MAN2B2: variants seen among roughly 807,000 people sequenced by gnomAD.
The protein encoded by MAN2B2 is mannosidase alpha class 2B member 2, also known as epididymis-specific alpha-mannosidase.
In MAN2B2, 106 loss-of-function variants were observed where a neutral mutation model predicts 117.1. The observed-to-expected ratio is 0.90, with a 90% confidence interval of 0.77 to 1.06. The LOEUF (loss-of-function observed/expected upper bound fraction) is 1.06, where lower values mean the gene tolerates loss of function less well. MAN2B2 is among the 50% of genes least tolerant of loss of function. MAN2B2 has a pLI of 0.00. For synonymous variants in MAN2B2, 544 were observed against 595.1 expected, an observed-to-expected ratio of 0.91 and a Z score of 1.25; for missense variants, 1,326 against 1,381.4, an observed-to-expected ratio of 0.96 and a Z score of 0.64.
chr4:6,605,086 A>G lies in MAN2B2; in HGVS notation c.1571A>G (p.Tyr524Cys), dbSNP rs1727482622. 6.8e-6 allele frequency: 11 copies of G among 1,614,100 alleles called. No individual in the cohort carries two copies. The highest frequency in any genetic ancestry group is 1.3e-5 in the African/African-American group (1 of 75,026). Residue 524 changes from tyrosine to cysteine, a missense_variant, in exon 11 of 19, where the codon TAT becomes TGT. Transcript: ENST00000285599. ...IQNSTETPSA[Y>C]DLLILTTIPG... is the part of the protein sequence containing the mutation. ...AACTCAACAGAGACCCCATCTGCGT[A>G]TGACCTGCTTATTCTGACCACAATC...
rs749006019 is a variant in MAN2B2 at position 6,597,172 on chromosome 4, C to T, written c.1117C>T (p.Arg373Trp). The T allele has an allele frequency of 9.3e-6, 15 of 1,612,830 alleles. No individual in the cohort carries two copies. The highest frequency in any genetic ancestry group is 3.3e-5 in the South Asian group (3 of 91,036). The stretch of plus-strand genomic sequence containing the variant: ...CCGCAGCTCACTGAAGGGGCTGGCC[C>T]GGCGAGCCAGCGCCTTGTTGTATGC... ...TSRSSLKGLA[R>W]RASALLYAGE... Residue 373 changes from arginine to tryptophan, a missense_variant, in exon 8 of 19, where the codon CGG (arginine) becomes TGG (tryptophan). Transcript: ENST00000285599.
chr4:6,614,188 C>T (rs1255129215), intron 15 of MAN2B2, 30 bp from the exon 16 acceptor site: 1 of 1,608,322 alleles, frequency 6.2e-7, no homozygotes, highest in East Asian at 2.2e-5. Flanking sequence ...GCCCCAAACC[C>T]TCTCCTCACT....
At chr4:6,593,853 G>T (rs970252439) in intron 6 of MAN2B2, among the ~76,000 whole-genome samples, 5 of 152,190 alleles carry the variant, frequency 3.3e-5, no homozygotes, top group Admixed American at 1.3e-4. Context: ...GGCCTAGGAA[G>T]CAGGCTGGTA....
At chr4:6,599,714 C>A (rs1403732951) in intron 9 of MAN2B2, among the ~76,000 whole-genome samples, 2 of 151,982 alleles carry the variant, frequency 1.3e-5, no homozygotes, top group East Asian at 3.9e-4. Flanking sequence ...AGCCACCATG[C>A]CTGGCTGCCT....
intron 15 of MAN2B2, among the ~76,000 whole-genome samples, chr4:6,613,919 A>T (rs1221038086): frequency 6.6e-6 from 1 of 152,174 alleles, no homozygotes; most frequent in Admixed American, 6.5e-5. Flanking sequence ...TTGCCTTGTT[A>T]TCTTGAATAA....
chr4:6,592,924 C>T (rs780934008), intron 5 of MAN2B2, among the ~76,000 whole-genome samples: 2 of 152,232 alleles, frequency 1.3e-5, no homozygotes, highest in Admixed American at 6.5e-5. Flanking sequence ...AGGCCAGGGC[C>T]TCACTTGCCT....
Position 6,592,462 on chromosome 4 carries a change from T to C in MAN2B2, c.681-711T>C, listed in dbSNP as rs143183367. 3.1e-3 allele frequency among the ~76,000 whole-genome samples: 476 copies of C among 152,156 alleles called. 1 individual carries two copies. The highest frequency in any genetic ancestry group is 0.015 in the South Asian group (73 of 4,818). ...AGCAAGACCTCGTCTCTACATAAAA[T>C]TCAAAAACAAGTCGAGCATGGTGGT... On this transcript the variant is annotated intron_variant, in intron 5 of 18. Coordinates refer to ENST00000285599, the MANE Select transcript of MAN2B2 (RefSeq NM_015274.3).
At chr4:6,589,200 C>A in intron 5 of MAN2B2, 40 bp downstream of exon 5, 1 of 1,456,102 alleles carries the variant, frequency 6.9e-7, no homozygotes, top group Non-Finnish European at 9.7e-7. Flanking sequence ...TCTCAGACAG[C>A]AGGGTCTGCC....
Position 6,595,087 on chromosome 4 carries a change from C to T in MAN2B2, c.1057+355C>T, listed in dbSNP as rs116098072. ...CATAAACCTCTTCTACGAGCCCTTTCCTGATGCTGAGGCTGACTCGGGCTT... is the reference window on the plus strand; with the variant it reads ...CATAAACCTCTTCTACGAGCCCTTTTCTGATGCTGAGGCTGACTCGGGCTT... On this transcript the variant is annotated intron_variant, in intron 7 of 18. Coordinates refer to ENST00000285599, the MANE Select transcript of MAN2B2 (RefSeq NM_015274.3). Among the ~76,000 whole-genome samples, 1,185 of 152,320 alleles carry T rather than the reference C, an allele frequency of 7.8e-3. 11 individuals carry two copies. Among genetic ancestry groups the T allele is most frequent in the African/African-American group, 0.026 (1,079 of 41,558 alleles).
At position 6,609,805 on chromosome 4, in the gene MAN2B2, A is replaced by G. The variant is rs777918152; in HGVS notation, c.2014A>G (p.Thr672Ala). 2 of 1,613,404 alleles carry G rather than the reference A, an allele frequency of 1.2e-6. No homozygotes were observed. The highest frequency in any genetic ancestry group is 4.5e-5 in the East Asian group (2 of 44,856). ...TGCTCCCTTCTCCTCCAGGAACATG[A>G]CAGCACAGAATTACACGTATGCAAT... ...EIRQYFYRNMTAQNYTYAIRS... is the reference protein window; with the variant it reads ...EIRQYFYRNMAAQNYTYAIRS... Residue 672 changes from threonine to alanine, a missense_variant, in exon 13 of 19, where the codon ACA becomes GCA. Thr to Ala is a moderately conservative substitution (Grantham distance 58). Coordinates refer to ENST00000285599, the MANE Select transcript of MAN2B2 (RefSeq NM_015274.3).
intron 3 of MAN2B2, among the ~76,000 whole-genome samples, chr4:6,585,113 C>A (rs1726581957): frequency 6.6e-6 from 1 of 152,118 alleles, no homozygotes; most frequent in Admixed American, 6.6e-5. Context: ...CACCCACACT[C>A]CTAGTCCACG....
intron 10 of MAN2B2, among the ~76,000 whole-genome samples, chr4:6,603,002 C>T (rs1727389683): frequency 6.6e-6 from 1 of 152,186 alleles, no homozygotes; most frequent in Admixed American, 6.5e-5. Flanking sequence ...TGCTGGGCCC[C>T]CTTGTATGGG....
Position 6,576,730 on chromosome 4 carries a change from G to A in MAN2B2, c.285+6G>A. On this transcript the variant is annotated splice_donor_region_variant and intron_variant, in intron 2 of 18. Coordinates refer to ENST00000285599, the MANE Select transcript of MAN2B2 (RefSeq NM_015274.3). Reference sequence around the variant, plus strand: ...CGGACCAGCAGAAATACCAGGTAATGAGGTCACCAGGTGACACAGTTGGCC... The same window carrying A: ...CGGACCAGCAGAAATACCAGGTAATAAGGTCACCAGGTGACACAGTTGGCC... 1 of 1,613,654 alleles carries A rather than the reference G, an allele frequency of 6.2e-7. No homozygotes were observed. The highest frequency in any genetic ancestry group is 8.5e-7 in the Non-Finnish European group (1 of 1,179,778).
intron 5 of MAN2B2, among the ~76,000 whole-genome samples, chr4:6,590,064 C>T (rs1726797213): frequency 6.6e-6 from 1 of 150,468 alleles, no homozygotes; most frequent in South Asian, 2.1e-4. Context: ...GAGAACCTGT[C>T]TCTATTTAAA....
intron 10 of MAN2B2, among the ~76,000 whole-genome samples, chr4:6,602,766 C>T (rs1406140374): frequency 6.6e-6 from 1 of 151,660 alleles, no homozygotes; most frequent in East Asian, 1.9e-4. Context: ...ACATCCCAAG[C>T]TCAAGTTGAT....
rs1726211256 is a variant in MAN2B2, at chr4:6,579,081, CCACCATCACCATCACCAG to C, written c.391+589_391+606del. Among the ~76,000 whole-genome samples, 6 of 71,676 alleles carry C rather than the reference CCACCATCACCATCACCAG, an allele frequency of 8.4e-5. No homozygotes were observed. In the East Asian group the frequency reaches 1.3e-3, roughly 15 times the overall value. The allele number at this position is 71,676 out of a possible 152,430, so 47.0% of individuals were successfully genotyped here. On this transcript the variant is annotated intron_variant, in intron 3 of 18. Transcript: ENST00000285599. ...ACCACCATCACCATCACCACCACCACCACCATCACCATCACCAGCACCACCACCATCACCATCACCACT... is the reference window on the plus strand; with the variant it reads ...ACCACCATCACCATCACCACCACCACCACCACCACCATCACCATCACCACT...
chr4:6,589,199 G>A lies in MAN2B2; in HGVS notation c.680+39G>A, dbSNP rs138894559. 80 of 1,467,952 alleles carry A rather than the reference G, an allele frequency of 5.4e-5. 2 individuals carry two copies. The Middle Eastern group carries it at 1.0e-3, about 19-fold the overall frequency. The allele number at this position is 1,467,952 out of a possible 1,614,324, so 90.9% of individuals were successfully genotyped here. A position where few individuals can be genotyped will look rare whatever the true frequency, so the allele number is the denominator to read the frequency against. The stretch of plus-strand genomic sequence containing the variant: ...CGCAGTGCCTTTGGGATCTCAGACA[G>A]CAGGGTCTGCCCAGCCCCTGCAGCT... On this transcript the variant is annotated intron_variant, in intron 5 of 18. Coordinates refer to ENST00000285599, the MANE Select transcript of MAN2B2 (RefSeq NM_015274.3).
chr4:6,587,583 G>A (rs1016944443), intron 4 of MAN2B2, among the ~76,000 whole-genome samples: 1 of 152,160 alleles, frequency 6.6e-6, no homozygotes. Context: ...TCAGGTGTGA[G>A]GGCAACTGTT....
At position 6,600,631 on chromosome 4, in the gene MAN2B2, C is replaced by T. The variant is rs777993712; in HGVS notation, c.1414C>T (p.Pro472Ser). ...APMAASSDAG[P>S]AGHFASVYNP... is the part of the protein sequence containing the mutation. ...CTCTTCTCTGTGTGCAGATGCAGGA[C>T]CTGCAGGACATTTTGCCTCGGTCTA... The change falls in exon 10 of 19, where the codon CCT becomes TCT. Residue 472 changes from proline (P) to serine (S), a missense_variant. By Grantham distance (74) the Pro-to-Ser change is moderately conservative. Coordinates refer to ENST00000285599, the MANE Select transcript of MAN2B2 (RefSeq NM_015274.3). 4 of 1,613,828 alleles carry T rather than the reference C, an allele frequency of 2.5e-6. No individual in the cohort carries two copies. Among genetic ancestry groups the T allele is most frequent in the Non-Finnish European group, 3.4e-6 (4 of 1,180,004 alleles).
Sources: allele counts gnomAD v4.1 joint callset (sites outside exome capture counted in the v4.1 genomes callset), GRCh38; gene constraint gnomAD v4.1.1; transcripts MANE v1.5; gene names NCBI Gene and HGNC (gene_info 2026-07-23, HGNC 2026-07-21).